TNN: variants seen among roughly 807,000 people sequenced by gnomAD.
TNN encodes tenascin-N.
Under a neutral mutation model 134.4 loss-of-function variants are expected in TNN, and 122 were observed. The ratio of observed to expected loss-of-function variants is 0.91; its 90% CI spans 0.78 to 1.06. The LOEUF is 1.06. Among genes scored for constraint, TNN ranks in the 50% least tolerant of loss-of-function variants. The pLI is 0.00. For missense variants in TNN, 1,739 were observed against 1,699.4 expected, an observed-to-expected ratio of 1.02 and a Z score of -0.41; for synonymous variants, 710 against 670.3, an observed-to-expected ratio of 1.06 and a Z score of -0.91.
intron 17 of TNN, among the ~76,000 whole-genome samples, chr1:175,139,626 T>A (rs1254693321): frequency 6.6e-6 from 1 of 150,434 alleles, no homozygotes; most frequent in Non-Finnish European, 1.5e-5. Context: ...TTTTTTTTTG[T>A]AAAGTACTCA....
chr1:175,109,105 G>A (rs1157542219), intron 9 of TNN, among the ~76,000 whole-genome samples: 5 of 45,472 alleles, frequency 1.1e-4, no homozygotes, highest in South Asian at 1.2e-3. Context: ...TTTTTGAGAC[G>A]GAGTCTCGCT....
At chr1:175,132,025 G>C (rs1322452374) in intron 15 of TNN, among the ~76,000 whole-genome samples, 1 of 151,508 alleles carries the variant, frequency 6.6e-6, no homozygotes, top group Non-Finnish European at 1.5e-5. Flanking sequence ...AAATACCTTT[G>C]TAATGCATTC....
chr1:175,083,060 C>G (rs1411882908), intron 4 of TNN, among the ~76,000 whole-genome samples: 1 of 151,822 alleles, frequency 6.6e-6, no homozygotes, highest in Non-Finnish European at 1.5e-5. Flanking sequence ...TACAATAACT[C>G]TCTTCCTTCA....
intron 7 of TNN, among the ~76,000 whole-genome samples, chr1:175,095,692 G>T (rs944473802): frequency 1.3e-5 from 2 of 152,150 alleles, no homozygotes; most frequent in Non-Finnish European, 2.9e-5. Flanking sequence ...TCCTGCCTCA[G>T]CCTCCCAAGT....
intron 4 of TNN, among the ~76,000 whole-genome samples, chr1:175,081,308 T>C (rs1227860327): frequency 6.6e-6 from 1 of 152,264 alleles, no homozygotes; most frequent in East Asian, 1.9e-4. Flanking sequence ...GTGAACATTC[T>C]TAAAGCAGCT....
chr1:175,080,552 AG>A (rs1674176670), intron 4 of TNN, 126 bp downstream of exon 4: 1 of 1,179,880 alleles, frequency 8.5e-7, no homozygotes, highest in Middle Eastern at 2.6e-4. Flanking sequence ...CCACAATCCT[AG>A]GTTCTGAAGA....
chr1:175,077,897 T>C, intron 2 of TNN, 70 bp downstream of exon 2: 1 of 1,473,352 alleles, frequency 6.8e-7, no homozygotes, highest in Non-Finnish European at 9.2e-7. Context: ...GGGTTTCCAC[T>C]AGCCTCATGA....
At chr1:175,093,945 C>A (rs1371801347) in intron 6 of TNN, 45 bp from the exon 7 acceptor site, 2 of 1,563,156 alleles carry the variant, frequency 1.3e-6, no homozygotes, top group African/African-American at 2.7e-5. Context: ...TCTTGACTAA[C>A]CAACTGGTTT....
At chr1:175,079,859 G>C (rs1468733828) in intron 3 of TNN, 152 bp downstream of exon 3, 23 of 1,194,364 alleles carry the variant, frequency 1.9e-5, no homozygotes, top group Non-Finnish European at 2.5e-5. Context: ...TTCTGCGATG[G>C]GGCCTAAGAA....
At chr1:175,081,384 A>G (rs1345113299) in intron 4 of TNN, among the ~76,000 whole-genome samples, 2 of 152,126 alleles carry the variant, frequency 1.3e-5, no homozygotes, top group Admixed American at 6.6e-5. Flanking sequence ...CACACAGTAC[A>G]TTTTTATTGA....
intron 6 of TNN, among the ~76,000 whole-genome samples, chr1:175,089,745 C>G (rs7538702): frequency 6.6e-5 from 10 of 152,330 alleles, no homozygotes; most frequent in African/African-American, 2.4e-4. Flanking sequence ...CCATGCACAG[C>G]AAAGGTTATA....
chr1:175,074,736 AG>A (rs2149425329), intron 1 of TNN, among the ~76,000 whole-genome samples: 1 of 152,336 alleles, frequency 6.6e-6, no homozygotes, highest in East Asian at 1.9e-4. Context: ...AACCCTTCAT[AG>A]GTACCATTCT....
At chr1:175,131,139 C>G (rs1675665184) in intron 15 of TNN, among the ~76,000 whole-genome samples, 1 of 152,156 alleles carries the variant, frequency 6.6e-6, no homozygotes, top group South Asian at 2.1e-4. Flanking sequence ...GGTAATTCTT[C>G]CATCCCAAGC....
chr1:175,079,088 AAAG>A (rs1181039266), intron 2 of TNN, among the ~76,000 whole-genome samples: 5 of 152,138 alleles, frequency 3.3e-5, no homozygotes, highest in Admixed American at 1.3e-4. Context: ...TCAGGCAGAG[AAAG>A]AAGGAGACGT....
At chr1:175,111,792 G>A (rs758706783) in intron 9 of TNN, among the ~76,000 whole-genome samples, 1 of 149,442 alleles carries the variant, frequency 6.7e-6, no homozygotes, top group Admixed American at 6.7e-5. Flanking sequence ...TTTTTTTTAT[G>A]CTAGTTCATT....
Position 175,079,418 on chromosome 1 carries a change from C to T in TNN, c.495C>T (p.Ala165=). ...CHCEEGREGP[A]CERLACPGAC... ...GCGAAGAGGGCAGGGAGGGCCCCGC[C>T]TGCGAGCGGCTGGCCTGCCCCGGGG... Residue 165 remains alanine (A), a synonymous_variant, in exon 3 of 19, where the codon GCC becomes GCT. Coordinates refer to ENST00000239462, the MANE Select transcript of TNN (RefSeq NM_022093.2). 2 of 1,587,764 alleles carry T rather than the reference C, an allele frequency of 1.3e-6. No individual in the cohort carries two copies. The highest frequency in any genetic ancestry group is 4.6e-5 in the East Asian group (2 of 43,558).
Position 175,080,266 on chromosome 1 carries a change from C to T in TNN, c.888C>T (p.Tyr296=), listed in dbSNP as rs757733935. ...TGGATCACTACCTCCTCAGCTACTACCCCCTGGGGAAGGAGCTCTCTGGGA... is the reference window on the plus strand; with the variant it reads ...TGGATCACTACCTCCTCAGCTACTATCCCCTGGGGAAGGAGCTCTCTGGGA... The part of the protein sequence containing the change: ...SQVDHYLLSY[Y]PLGKELSGKQ... Residue 296 remains tyrosine, a synonymous_variant, in exon 4 of 19, where the codon TAC becomes TAT. Transcript: ENST00000239462. 1 of 1,613,992 alleles carries T rather than the reference C, an allele frequency of 6.2e-7. No homozygotes were observed. Among genetic ancestry groups the T allele is most frequent in the Non-Finnish European group, 8.5e-7 (1 of 1,179,988 alleles).
chr1:175,108,830 C>A (rs1383384084), intron 9 of TNN, among the ~76,000 whole-genome samples: 1 of 145,590 alleles, frequency 6.9e-6, no homozygotes, highest in Non-Finnish European at 1.5e-5. Flanking sequence ...GGTTCCCGCT[C>A]ACGCCTCTCC....
Position 175,126,945 on chromosome 1 carries a change from C to T in TNN, c.2915-10C>T, listed in dbSNP as rs758223398. On this transcript the variant is annotated splice_polypyrimidine_tract_variant and intron_variant, in intron 12 of 18. Coordinates refer to ENST00000239462, the MANE Select transcript of TNN (RefSeq NM_022093.2). ...TTAGTAATAACAATTACCTGACTTT[C>T]TACGTACAGAACTCGACCCTCCCAG... 1 of 1,600,802 alleles carries T rather than the reference C, an allele frequency of 6.2e-7. No individual in the cohort carries two copies. Among genetic ancestry groups the T allele is most frequent in the South Asian group, 1.1e-5 (1 of 88,158 alleles).
Sources: gnomAD v4.1 joint callset for allele counts (sites outside exome capture counted in the v4.1 genomes callset) on GRCh38, gnomAD v4.1.1 for gene constraint, MANE v1.5 for transcripts, NCBI Gene and HGNC (gene_info 2026-07-23, HGNC 2026-07-21) for gene names.